Variants in TRPV4 observed in about 807,000 individuals in gnomAD.
TRPV4 encodes transient receptor potential cation channel subfamily V member 4.
In TRPV4, 58 loss-of-function variants were observed where a neutral mutation model predicts 84.1. The observed-to-expected ratio is 0.69, with a 90% confidence interval of 0.56 to 0.86. The LOEUF (loss-of-function observed/expected upper bound fraction) is 0.86, where lower values mean the gene tolerates loss of function less well. TRPV4 is among the 40% of genes least tolerant of loss of function. TRPV4 has a pLI of 0.00. For missense variants in TRPV4, 879 were observed against 1,181.1 expected (o/e 0.74, Z 3.75); for synonymous variants, 489 against 500.9 (o/e 0.98, Z 0.32).
At chr12:109,805,582 C>A (rs1891069475) in intron 3 of TRPV4, among the ~76,000 whole-genome samples, 1 of 152,088 alleles carries the variant, frequency 6.6e-6, no homozygotes, top group Admixed American at 6.5e-5. Context: ...GGAGGGCGTC[C>A]CAGACTTCCC....
chr12:109,784,192 CAG>C, intron 15 of TRPV4, 122 bp downstream of exon 15: 1 of 1,490,446 alleles, frequency 6.7e-7, no homozygotes. Context: ...AGAGGAAGCT[CAG>C]GGGCACACTC....
rs752366465 is a variant in TRPV4 at position 109,800,675 on chromosome 12, C to G, written c.796G>C (p.Ala266Pro). 7 of 1,614,178 alleles carry G rather than the reference C, an allele frequency of 4.3e-6. No individual in the cohort carries two copies. In the South Asian group the frequency reaches 7.7e-5, roughly 18 times the overall value. ...LLVAQGADVH[A>P]QARGRFFQPK... The stretch of plus-strand genomic sequence containing the variant: ...TGGAAGAAGCGCCCACGGGCCTGGG[C>G]GTGGACATCAGCTCCCTGGGCCACG... Residue 266 changes from alanine to proline, a missense_variant, in exon 5 of 16, where the codon GCC becomes CCC. This residue lies in a region of TRPV4 where 521 missense variants were observed against 686.6 expected (regional missense o/e 0.76). Transcript: ENST00000261740.
chr12:109,808,268 A>C (rs1258866370), intron 3 of TRPV4, 28 bp downstream of exon 3: 10 of 1,613,390 alleles, frequency 6.2e-6, no homozygotes, highest in Non-Finnish European at 5.9e-6. Context: ...TGGCTGTCCC[A>C]CTGGCTATGC....
chr12:109,803,674 G>A (rs1364693083), intron 3 of TRPV4, among the ~76,000 whole-genome samples: 2 of 152,010 alleles, frequency 1.3e-5, no homozygotes, highest in African/African-American at 4.8e-5. Flanking sequence ...ACCCAGGCTG[G>A]TCTCAAACAC....
intron 1 of TRPV4, among the ~76,000 whole-genome samples, chr12:109,822,134 G>C (rs542865512): frequency 1.7e-4 from 26 of 151,184 alleles, no homozygotes; most frequent in Non-Finnish European, 3.2e-4. Flanking sequence ...AAAGTGCAGG[G>C]TGCACAGAGG....
At chr12:109,809,104 C>A (rs1264198740) in intron 2 of TRPV4, among the ~76,000 whole-genome samples, 6 of 147,652 alleles carry the variant, frequency 4.1e-5, no homozygotes. Context: ...CATCCACCCA[C>A]CCACCATTCA....
At chr12:109,804,395 A>C (rs1890994291) in intron 3 of TRPV4, among the ~76,000 whole-genome samples, 1 of 152,132 alleles carries the variant, frequency 6.6e-6, no homozygotes, top group African/African-American at 2.4e-5. Context: ...CTCAGGTTTG[A>C]GGCCTGGCTT....
Position 109,793,394 on chromosome 12 carries a change from C to T in TRPV4, c.1658+133G>A, listed in dbSNP as rs955627088. 4 of 808,778 alleles carry T rather than the reference C, an allele frequency of 4.9e-6. No homozygotes were observed. Among genetic ancestry groups the T allele is most frequent in the South Asian group, 2.7e-5 (2 of 73,050 alleles). 50.1% of individuals were successfully genotyped at this position (808,778 alleles called of 1,614,324 possible). A position where few individuals can be genotyped will look rare whatever the true frequency, so the allele number is the denominator to read the frequency against. On this transcript the variant is annotated intron_variant, in intron 10 of 15. Transcript: ENST00000261740. This position sits in a 1 kb window ranked among gnomAD's most constrained non-coding sequence, Gnocchi z 4.0. ...CCTATTGTTTGTGGCTTTGTCCTGA[C>T]TTTGGGTTAGAGCTGCCCAGGTTGG...
rs949092850 is a variant in TRPV4, at chr12:109,784,675, A to T, written c.2337-238T>A. Among the ~76,000 whole-genome samples the T allele has an allele frequency of 3.3e-4, 50 of 151,272 alleles. 1 individual carries two copies. The highest frequency in any genetic ancestry group is 4.6e-4 in the Non-Finnish European group (31 of 67,800). On this transcript the variant is annotated intron_variant, in intron 14 of 15. Transcript: ENST00000261740. ...TGAAACCCCACCTCTACTAAAAATT[A>T]AAAAAAATTAAAAAAAAAATTAGCG...
rs1892089465 is a variant in TRPV4 at position 109,821,251 on chromosome 12, G to A, written c.-31-6424C>T. Among the ~76,000 whole-genome samples the A allele has an allele frequency of 3.3e-5, 5 of 152,360 alleles. No individual in the cohort carries two copies. In the South Asian group the frequency reaches 1.0e-3, roughly 32 times the overall value. ...CATTCCACCAGGCATCAATGCAGTG[G>A]CACCTGTTTGCAGGGCACAGGGGAG... is the stretch of plus-strand genomic sequence containing the variant. On this transcript the variant is annotated intron_variant, in intron 1 of 15. Coordinates refer to ENST00000261740, the MANE Select transcript of TRPV4 (RefSeq NM_021625.5).
rs587777890 is a variant in TRPV4 at position 109,793,944 on chromosome 12, A to C, written c.1570T>G (p.Phe524Val). The stretch of plus-strand genomic sequence containing the variant: ...CAGGCACTTACGTTGGTGAAGAAGA[A>C]CAGGACCCCAGTGAAGAGCGTAATG... ...EVITLFTGVLFFFTNIKDLFM... is the reference protein window; with the variant it reads ...EVITLFTGVLVFFTNIKDLFM... The change falls in exon 9 of 16, where the codon TTC (phenylalanine) becomes GTC (valine). Residue 524 changes from phenylalanine (F) to valine (V), a missense_variant. Coordinates refer to ENST00000261740, the MANE Select transcript of TRPV4 (RefSeq NM_021625.5). The surrounding 1 kb of genome is among the most constrained non-coding windows in gnomAD (Gnocchi z 4.0). The C allele has an allele frequency of 6.2e-7, 1 of 1,609,668 alleles. No homozygotes were observed. Among genetic ancestry groups the C allele is most frequent in the Non-Finnish European group, 8.5e-7 (1 of 1,178,792 alleles).
rs1890557544 is a variant in TRPV4 at position 109,798,535 on chromosome 12, T to C, written c.1152+79A>G. 5 of 1,561,750 alleles carry C rather than the reference T, an allele frequency of 3.2e-6. No individual in the cohort carries two copies. The highest frequency in any genetic ancestry group is 4.3e-6 in the Non-Finnish European group (5 of 1,149,622). On this transcript the variant is annotated intron_variant, in intron 6 of 15. Transcript: ENST00000261740. This position sits in a 1 kb window ranked among gnomAD's most constrained non-coding sequence, Gnocchi z 5.0. ...GGTGCATGCACGTATTAATAATGAA[T>C]ACCAGCAGCAGACCCTCGTGTGTGT... is the stretch of plus-strand genomic sequence containing the variant.
chr12:109,802,903 C>T lies in TRPV4; in HGVS notation c.712+88G>A, dbSNP rs575647921. The T allele has an allele frequency of 1.5e-5, 21 of 1,431,290 alleles. No individual in the cohort carries two copies. The African/African-American group carries it at 2.4e-4, about 16-fold the overall frequency. 88.7% of individuals were successfully genotyped at this position (1,431,290 alleles called of 1,614,324 possible). On this transcript the variant is annotated intron_variant, in intron 4 of 15. Coordinates refer to ENST00000261740, the MANE Select transcript of TRPV4 (RefSeq NM_021625.5). ...TCCTGGGTACATGCTGGCACTTAGG[C>T]CCAGATCAAAAGTCTCAGGAGTCAG...
Position 109,793,746 on chromosome 12 carries a change from G to A in TRPV4, c.1585-146C>T, listed in dbSNP as rs1003791275. ...AGGACTCTTTCCTGTTAGAAAAGGAGAAAAAAGCAGAGATGGAGAACGTGG... is the reference window on the plus strand; with the variant it reads ...AGGACTCTTTCCTGTTAGAAAAGGAAAAAAAAGCAGAGATGGAGAACGTGG... On this transcript the variant is annotated intron_variant, in intron 9 of 15. Transcript: ENST00000261740. The surrounding 1 kb of genome is among the most constrained non-coding windows in gnomAD (Gnocchi z 4.0). The A allele has an allele frequency of 2.4e-5, 21 of 869,636 alleles. No individual in the cohort carries two copies. In the African/African-American group the frequency reaches 3.4e-4, roughly 14 times the overall value. 53.9% of individuals were successfully genotyped at this position (869,636 alleles called of 1,614,324 possible).
intron 1 of TRPV4, among the ~76,000 whole-genome samples, chr12:109,830,937 G>A (rs1449554148): frequency 6.6e-6 from 1 of 152,206 alleles, no homozygotes; most frequent in African/African-American, 2.4e-5. Context: ...TCCAGCTGCC[G>A]CTCTCCACTC....
Position 109,800,825 on chromosome 12 carries a change from G to T in TRPV4, c.713-67C>A, listed in dbSNP as rs1158139772. The T allele has an allele frequency of 4.5e-6, 7 of 1,538,838 alleles. No homozygotes were observed. In the African/African-American group the frequency reaches 5.4e-5, roughly 12 times the overall value. ...AGACCTAGCCAGGCTTGCTGGGGGT[G>T]GGGGTAGGGTGCAGGACGTAGAAAT... On this transcript the variant is annotated intron_variant, in intron 4 of 15. Coordinates refer to ENST00000261740, the MANE Select transcript of TRPV4 (RefSeq NM_021625.5).
chr12:109,820,516 A>ATTTTTTTTTTTTTTTTTT (rs1166251387), intron 1 of TRPV4, among the ~76,000 whole-genome samples: 3 of 92,388 alleles, frequency 3.2e-5, no homozygotes, highest in African/African-American at 1.5e-4. Context: ...CAGCTGCCCT[A>ATTTTTTTTTTTTTTTTTT]TTTTTTTTTT....
chr12:109,783,506 G>T lies in TRPV4; in HGVS notation c.*115C>A, dbSNP rs1889463496. Reference sequence around the variant, plus strand: ...CTGGGGCCTCCCTGGCACCTCCACTGGTCCCTCGCCTCTGGGGCCAAAGCA... The same window carrying T: ...CTGGGGCCTCCCTGGCACCTCCACTTGTCCCTCGCCTCTGGGGCCAAAGCA... On this transcript the variant is annotated 3_prime_UTR_variant, in exon 16 of 16. Coordinates refer to ENST00000261740, the MANE Select transcript of TRPV4 (RefSeq NM_021625.5). This position sits in a 1 kb window ranked among gnomAD's most constrained non-coding sequence, Gnocchi z 4.6. 3 of 1,413,080 alleles carry T rather than the reference G, an allele frequency of 2.1e-6. No individual in the cohort carries two copies. The highest frequency in any genetic ancestry group is 1.9e-6 in the Non-Finnish European group (2 of 1,050,732). The allele number at this position is 1,413,080 out of a possible 1,614,324, so 87.5% of individuals were successfully genotyped here.
At chr12:109,792,001 A>G (rs1215783934) in intron 12 of TRPV4, among the ~76,000 whole-genome samples, 1 of 150,854 alleles carries the variant, frequency 6.6e-6, no homozygotes, top group Non-Finnish European at 1.5e-5. Context: ...GAGGCCAAGG[A>G]GGGTGGATCA....
Sources: allele counts gnomAD v4.1 joint callset (sites outside exome capture counted in the v4.1 genomes callset), GRCh38; gene constraint gnomAD v4.1.1; regional missense constraint gnomAD v4.1.1; non-coding constraint Gnocchi (gnomAD v3.1); transcripts MANE v1.5; gene names NCBI Gene and HGNC (gene_info 2026-07-23, HGNC 2026-07-21).